The following MYBBP1A variants were observed in gnomAD, a reference collection of about 807,000 sequenced individuals.
The protein encoded by MYBBP1A is myb-binding protein 1A.
MYBBP1A carries 147 observed loss-of-function variants against 136.3 expected under a neutral mutation model. That is an observed-to-expected ratio of 1.08 (90% CI 0.94 to 1.24). The LOEUF (loss-of-function observed/expected upper bound fraction) is 1.24. Among genes scored for constraint, MYBBP1A ranks in the 50% most tolerant of loss-of-function variants. The pLI, the probability that MYBBP1A is intolerant of heterozygous loss-of-function variation, is 0.00. For missense variants in MYBBP1A, 2,060 were observed against 1,727.4 expected (o/e 1.19, Z -3.41); for synonymous variants, 947 against 735.8 (o/e 1.29, Z -4.65).
intron 25 of MYBBP1A, 61 bp from the exon 26 acceptor site, chr17:4,540,028 G>A (rs568340750): frequency 6.6e-5 from 101 of 1,531,462 alleles, no homozygotes; most frequent in Non-Finnish European, 7.9e-5. Flanking sequence ...CCGCCACCGC[G>A]ACTGCTACCT....
chr17:4,545,116 C>A lies in MYBBP1A; in HGVS notation c.2220G>T (p.Gly740=), dbSNP rs1385120763. Residue 740 remains glycine (G), a synonymous_variant, in exon 17 of 26, where the codon GGG becomes GGT. Transcript: ENST00000254718. ...CGCGCTCCTCCTCCTCGCTCTCCTC[C>A]CCCTCGCTCTCCTCTTCACTCTCTG... The part of the protein sequence containing the change: ...RSSESEEESE[G]EESEEEERDG... The A allele has an allele frequency of 6.2e-7, 1 of 1,609,798 alleles. No homozygotes were observed. Among genetic ancestry groups the A allele is most frequent in the South Asian group, 1.1e-5 (1 of 90,678 alleles).
At position 4,548,616 on chromosome 17, in the gene MYBBP1A, C is replaced by G; in HGVS notation, c.1464G>C (p.Lys488Asn). 1 of 1,614,214 alleles carries G rather than the reference C, an allele frequency of 6.2e-7. No homozygotes were observed. Among genetic ancestry groups the G allele is most frequent in the Non-Finnish European group, 8.5e-7 (1 of 1,180,022 alleles). The change falls in exon 11 of 26, where the codon AAG (lysine) becomes AAC (asparagine). Residue 488 changes from lysine to asparagine, a missense_variant. Lys to Asn is a moderately conservative substitution (Grantham distance 94). Coordinates refer to ENST00000254718, the MANE Select transcript of MYBBP1A (RefSeq NM_014520.4). The surrounding 1 kb of genome is among the most constrained non-coding windows in gnomAD (Gnocchi z 4.2). The stretch of plus-strand genomic sequence containing the variant: ...TCTCAGGGATCTGGGATGTGGGCTT[C>G]TTTGTGACAAAGAACGAGTGGAACA... Reference protein sequence around the residue: ...FCLFHSFFVTKKPTSQIPETK... With the variant: ...FCLFHSFFVTNKPTSQIPETK...
intron 2 of MYBBP1A, among the ~76,000 whole-genome samples, chr17:4,554,599 A>ACC (rs1241231932): frequency 2.6e-5 from 4 of 152,172 alleles, no homozygotes; most frequent in African/African-American, 9.6e-5. Flanking sequence ...AAGGGAGCCC[A>ACC]CCCAGCGCTC....
At position 4,545,279 on chromosome 17, in the gene MYBBP1A, G is replaced by A. The variant is rs750692080; in HGVS notation, c.2140C>T (p.Arg714Trp). 58 of 1,609,942 alleles carry A rather than the reference G, an allele frequency of 3.6e-5. No individual in the cohort carries two copies. Among genetic ancestry groups the A allele is most frequent in the South Asian group, 1.4e-4 (13 of 90,896 alleles). ...RVVVTDDSDERRLKGAEDKSE... is the reference protein window; with the variant it reads ...RVVVTDDSDEWRLKGAEDKSE... Reference sequence around the variant, plus strand: ...AACACCTCTGCACCCTTCAGCCGCCGCTCATCAGAATCGTCCGTCACCACC... The same window carrying A: ...AACACCTCTGCACCCTTCAGCCGCCACTCATCAGAATCGTCCGTCACCACC... The change falls in exon 16 of 26, where the codon CGG becomes TGG. Residue 714 changes from arginine to tryptophan, a missense_variant. Coordinates refer to ENST00000254718, the MANE Select transcript of MYBBP1A (RefSeq NM_014520.4).
In MYBBP1A at chr17:4,545,761, T is replaced by A. The variant is rs1168499714; in HGVS notation, c.1922A>T (p.Asp641Val). 2 of 1,605,306 alleles carry A rather than the reference T, an allele frequency of 1.2e-6. No individual in the cohort carries two copies. Among genetic ancestry groups the A allele is most frequent in the Non-Finnish European group, 8.5e-7 (1 of 1,174,662 alleles). The change falls in exon 15 of 26, where the codon GAC becomes GTC. Residue 641 changes from aspartate (D) to valine (V), a missense_variant and splice_region_variant. Physicochemically the swap from Asp to Val is radical, Grantham distance 152. Coordinates refer to ENST00000254718, the MANE Select transcript of MYBBP1A (RefSeq NM_014520.4). The stretch of plus-strand genomic sequence containing the variant: ...CTCTACCCACGGGGGTTCCTGGGGG[T>A]CTGCAAGAGGGAGGGGTTGAGCCCG... ...KPRRSRTKTI[D>V]PQEPPWVEVL... is the part of the protein sequence containing the mutation.
chr17:4,542,662 C>T lies in MYBBP1A; in HGVS notation c.2972G>A (p.Ser991Asn). 6.2e-7 allele frequency: 1 copy of T among 1,614,012 alleles called. No homozygotes were observed. The highest frequency in any genetic ancestry group is 8.5e-7 in the Non-Finnish European group (1 of 1,179,934). ...GAGGAACATGGGAACTGTGAGGGGGCTGTTGCGCTTGGTCAGGAAGGAGCT... is the reference window on the plus strand; with the variant it reads ...GAGGAACATGGGAACTGTGAGGGGGTTGTTGCGCTTGGTCAGGAAGGAGCT... ...ALSSFLTKRNSPLTVPMFLSL... is the reference protein window; with the variant it reads ...ALSSFLTKRNNPLTVPMFLSL... Residue 991 changes from serine (S) to asparagine (N), a missense_variant, in exon 21 of 26, where the codon AGC (serine) becomes AAC (asparagine). Coordinates refer to ENST00000254718, the MANE Select transcript of MYBBP1A (RefSeq NM_014520.4).
chr17:4,552,048 G>A lies in MYBBP1A; in HGVS notation c.906-51C>T. 6.3e-7 allele frequency: 1 copy of A among 1,594,438 alleles called. No individual in the cohort carries two copies. ...GGTCAGAGCCCTTGGTGCCCCTGGT[G>A]GGAACCTCAGGACTAGTGGCCTAGC... On this transcript the variant is annotated intron_variant, in intron 7 of 25. Transcript: ENST00000254718. This position sits in a 1 kb window ranked among gnomAD's most constrained non-coding sequence, Gnocchi z 4.7.
At position 4,544,271 on chromosome 17, in the gene MYBBP1A, G is replaced by A. The variant is rs891596825; in HGVS notation, c.2639+218C>T. On this transcript the variant is annotated intron_variant, in intron 19 of 25. Coordinates refer to ENST00000254718, the MANE Select transcript of MYBBP1A (RefSeq NM_014520.4). ...GGATGGACCCCAGCTCCAGGGCACT[G>A]TTGGCACTGTGTCGGGAGAACGCGG... Among the ~76,000 whole-genome samples, 3 of 152,290 alleles carry A rather than the reference G, an allele frequency of 2.0e-5. No homozygotes were observed. The South Asian group carries it at 6.2e-4, about 32-fold the overall frequency.
chr17:4,554,358 C>G, intron 2 of MYBBP1A, 80 bp from the exon 3 acceptor site: 1 of 1,238,000 alleles, frequency 8.1e-7, no homozygotes, highest in South Asian at 1.3e-5. Flanking sequence ...AACCTCCCTT[C>G]CCCCTTCAAC....
rs368477650 is a variant in MYBBP1A at position 4,552,280 on chromosome 17, C to A, written c.750G>T (p.Val250=). The A allele has an allele frequency of 7.4e-6, 12 of 1,613,944 alleles. 1 individual carries two copies. The African/African-American group carries it at 1.5e-4, about 20-fold the overall frequency. The change falls in exon 7 of 26, where the codon GTG becomes GTT. Residue 250 remains valine, a synonymous_variant. Coordinates refer to ENST00000254718, the MANE Select transcript of MYBBP1A (RefSeq NM_014520.4). This position sits in a 1 kb window ranked among gnomAD's most constrained non-coding sequence, Gnocchi z 4.7. ...SDENVPRLVN[V]LKMAASSVKK... ...TCACAGAGGAGGCGGCCATCTTCAGCACATTCACCAGCCTGCGGAGGGCAA... is the reference window on the plus strand; with the variant it reads ...TCACAGAGGAGGCGGCCATCTTCAGAACATTCACCAGCCTGCGGAGGGCAA...
At position 4,552,527 on chromosome 17, in the gene MYBBP1A, C is replaced by G. The variant is rs765607407; in HGVS notation, c.661G>C (p.Ala221Pro). The G allele has an allele frequency of 6.2e-7, 1 of 1,613,822 alleles. No homozygotes were observed. The highest frequency in any genetic ancestry group is 8.5e-7 in the Non-Finnish European group (1 of 1,180,034). ...AGCTTGGAGGGCACCTTCTGCTGGG[C>G]CAGGAGGAAGAGCTCTAGCTGTTCA... ...SPEQLELFLL[A>P]QQKVPSKLKK... Residue 221 changes from alanine to proline, a missense_variant, in exon 6 of 26, where the codon GCC becomes CCC. Coordinates refer to ENST00000254718, the MANE Select transcript of MYBBP1A (RefSeq NM_014520.4). The surrounding 1 kb of genome is among the most constrained non-coding windows in gnomAD (Gnocchi z 4.7).
Position 4,548,059 on chromosome 17 carries a change from T to C in MYBBP1A, c.1725-2A>G, listed in dbSNP as rs1285395990. 10 of 1,580,950 alleles carry C rather than the reference T, an allele frequency of 6.3e-6. No homozygotes were observed. Among genetic ancestry groups the C allele is most frequent in the Non-Finnish European group, 7.7e-6 (9 of 1,164,814 alleles). ...AGCTCCTTCAGAGTCTGCAGCATCCTGCGGGGAGACAGGCGATTCCCAGGC... is the reference window on the plus strand; with the variant it reads ...AGCTCCTTCAGAGTCTGCAGCATCCCGCGGGGAGACAGGCGATTCCCAGGC... On this transcript the variant is annotated splice_acceptor_variant, in intron 12 of 25. Transcript: ENST00000254718. LOFTEE classifies it high-confidence loss of function. This position sits in a 1 kb window ranked among gnomAD's most constrained non-coding sequence, Gnocchi z 4.2.
At chr17:4,545,390 T>C (rs1319461853) in intron 15 of MYBBP1A, 45 bp from the exon 16 acceptor site, 6 of 1,604,738 alleles carry the variant, frequency 3.7e-6, no homozygotes, top group East Asian at 2.2e-5. Flanking sequence ...GCCCCCGCCC[T>C]CCTCTCCAGG....
At position 4,552,573 on chromosome 17, in the gene MYBBP1A, C is replaced by T. The variant is rs1045390873; in HGVS notation, c.615G>A (p.Leu205=). Residue 205 remains leucine, a synonymous_variant, in exon 6 of 26, where the codon TTG becomes TTA. Transcript: ENST00000254718. This position sits in a 1 kb window ranked among gnomAD's most constrained non-coding sequence, Gnocchi z 4.7. Reference sequence around the variant, plus strand: ...GTTCAGGGGAGCTGAGTATTATATTCAAGTCGGCTTTGAGGACCTCCGGCA... The same window carrying T: ...GTTCAGGGGAGCTGAGTATTATATTTAAGTCGGCTTTGAGGACCTCCGGCA... ...EILPEVLKAD[L]NIILSSPEQL... The T allele has an allele frequency of 1.2e-6, 2 of 1,613,970 alleles. No individual in the cohort carries two copies. The highest frequency in any genetic ancestry group is 8.5e-7 in the Non-Finnish European group (1 of 1,180,030).
intron 16 of MYBBP1A, 32 bp from the exon 17 acceptor site, chr17:4,545,207 T>A: frequency 6.2e-7 from 1 of 1,611,968 alleles, no homozygotes. Context: ...GTCACACACC[T>A]CCCCGATCGT....
chr17:4,539,803 GTGGCTGCAGGTGTGCCATCCTCCGC>G lies in MYBBP1A; in HGVS notation c.3574_3598del (p.Ala1192ProfsTer62). On this transcript the variant is annotated frameshift_variant, in exon 26 of 26. Coordinates refer to ENST00000254718, the MANE Select transcript of MYBBP1A (RefSeq NM_014520.4). LOFTEE classifies it low-confidence loss of function (END_TRUNC). ...CATGCTGGGGGGCTGGCTCCCGCCGGTGGCTGCAGGTGTGCCATCCTCCGCTGGCGTGCCATCCTCTGACTTGCGT... is the reference window on the plus strand; with the variant it reads ...CATGCTGGGGGGCTGGCTCCCGCCGGTGGCGTGCCATCCTCTGACTTGCGT... The G allele has an allele frequency of 6.2e-7, 1 of 1,612,040 alleles. No homozygotes were observed. Among genetic ancestry groups the G allele is most frequent in the Non-Finnish European group, 8.5e-7 (1 of 1,179,992 alleles).
At chr17:4,542,077 C>T (rs1044972287) in intron 22 of MYBBP1A, 186 bp from the exon 23 acceptor site, 1 of 600,828 alleles carries the variant, frequency 1.7e-6, no homozygotes, top group African/African-American at 1.9e-5. Context: ...CCAAGGCCTC[C>T]CAGCTGGATA....
In MYBBP1A at chr17:4,539,533, G is replaced by A; in HGVS notation, c.3869C>T (p.Ser1290Leu). The A allele has an allele frequency of 6.2e-7, 1 of 1,614,126 alleles. No individual in the cohort carries two copies. Among genetic ancestry groups the A allele is most frequent in the South Asian group, 1.1e-5 (1 of 91,076 alleles). ...ALPKKGVLGK[S>L]PLSALARKKA... ...TTTCCGTGCCAGCGCGGACAGTGGT[G>A]ATTTGCCCAAGACCCCCTTTTTGGG... Residue 1290 changes from serine to leucine, a missense_variant, in exon 26 of 26, where the codon TCA (serine) becomes TTA (leucine). Transcript: ENST00000254718.
Position 4,539,830 on chromosome 17 carries a change from G to A in MYBBP1A, c.3572C>T (p.Pro1191Leu). 1 of 1,610,502 alleles carries A rather than the reference G, an allele frequency of 6.2e-7. No individual in the cohort carries two copies. Among genetic ancestry groups the A allele is most frequent in the Non-Finnish European group, 8.5e-7 (1 of 1,179,984 alleles). Residue 1191 changes from proline to leucine, a missense_variant, in exon 26 of 26, where the codon CCA (proline) becomes CTA (leucine). Transcript: ENST00000254718. The part of the protein sequence containing the change: ...RKKRKSEDGT[P>L]AEDGTPAATG... ...GGCTGCAGGTGTGCCATCCTCCGCT[G>A]GCGTGCCATCCTCTGACTTGCGTTT...
Sources: allele counts gnomAD v4.1 joint callset (sites outside exome capture counted in the v4.1 genomes callset), GRCh38; gene constraint gnomAD v4.1.1; non-coding constraint Gnocchi (gnomAD v3.1); transcripts MANE v1.5; gene names NCBI Gene and HGNC (gene_info 2026-07-23, HGNC 2026-07-21).